Variants in FA2H observed in about 807,000 individuals in gnomAD.
The protein encoded by FA2H is fatty acid alpha-hydroxylase.
Under a neutral mutation model 44.9 loss-of-function variants are expected in FA2H, and 22 were observed. The ratio of observed to expected loss-of-function variants is 0.49; its 90% confidence interval spans 0.35 to 0.70. The LOEUF (loss-of-function observed/expected upper bound fraction) is 0.70. FA2H is among the 30% of genes least tolerant of loss of function. The probability of loss-of-function intolerance (pLI) is 0.01; values close to 1 mark genes in which losing one functional copy is unlikely to be tolerated. For missense variants in FA2H, 501 were observed against 504.9 expected, an observed-to-expected ratio of 0.99 and a Z score of 0.07; for synonymous variants, 243 against 213.2, an observed-to-expected ratio of 1.14 and a Z score of -1.22.
intron 2 of FA2H, among the ~76,000 whole-genome samples, chr16:74,729,249 T>C (rs1962027559): frequency 6.6e-6 from 1 of 152,196 alleles, no homozygotes; most frequent in African/African-American, 2.4e-5. Flanking sequence ...ATCCTCGTGA[T>C]CTGCCCGCCT....
chr16:74,769,752 A>T (rs1322368419), intron 1 of FA2H, among the ~76,000 whole-genome samples: 1 of 152,186 alleles, frequency 6.6e-6, no homozygotes, highest in Non-Finnish European at 1.5e-5. Flanking sequence ...ATACTCTGCT[A>T]ACATGTGGCT....
At chr16:74,719,978 G>A (rs1961795302) in intron 4 of FA2H, among the ~76,000 whole-genome samples, 1 of 151,922 alleles carries the variant, frequency 6.6e-6, no homozygotes, top group African/African-American at 2.4e-5. Flanking sequence ...AGGAAGATGT[G>A]AAAACACTGA....
intron 1 of FA2H, among the ~76,000 whole-genome samples, chr16:74,769,875 C>G (rs184228640): frequency 6.6e-6 from 1 of 152,244 alleles, no homozygotes; most frequent in Non-Finnish European, 1.5e-5. Context: ...AGGTGGGCAG[C>G]TTGGCTTCAC....
Position 74,716,519 on chromosome 16 carries a change from C to T in FA2H, c.867G>A (p.Gln289=). 6.2e-7 allele frequency: 1 copy of T among 1,613,136 alleles called. No homozygotes were observed. The highest frequency in any genetic ancestry group is 8.5e-7 in the Non-Finnish European group (1 of 1,179,676). The change falls in exon 6 of 7, where the codon CAG becomes CAA. Residue 289 remains glutamine (Q), a synonymous_variant. Coordinates refer to ENST00000219368, the MANE Select transcript of FA2H (RefSeq NM_024306.5). ...CCCCTACTGCCTCGGGCAGGATGAGCTGCATGCACAAGTAGAAGACGCCGA... is the reference window on the plus strand; with the variant it reads ...CCCCTACTGCCTCGGGCAGGATGAGTTGCATGCACAAGTAGAAGACGCCGA... ...LVIGVFYLCM[Q]LILPEAVGGT...
intron 1 of FA2H, among the ~76,000 whole-genome samples, chr16:74,744,557 T>C (rs1461863604): frequency 6.7e-6 from 1 of 149,016 alleles, no homozygotes; most frequent in Non-Finnish European, 1.5e-5. Flanking sequence ...GCTCAAGCAA[T>C]CCTCACACCT....
intron 1 of FA2H, among the ~76,000 whole-genome samples, chr16:74,740,673 T>TAATAATAAAAA (rs1192790446): frequency 6.4e-5 from 9 of 141,096 alleles, no homozygotes; most frequent in South Asian, 2.3e-4. Flanking sequence ...AATAATAAAA[T>TAATAATAAAAA]TTCTGCATAA....
At position 74,740,068 on chromosome 16, in the gene FA2H, T is replaced by C. The variant is rs1567642359; in HGVS notation, c.318A>G (p.Thr106=). The change falls in exon 2 of 7, where the codon ACA becomes ACG. Residue 106 remains threonine (T), a synonymous_variant. Transcript: ENST00000219368. ...TGAACCGTGGTTCCATAGCAGGATC[T>C]GTCTTCTGAGTTTCCTCAAGGGCTA... ...EPVALEETQK[T]DPAMEPRFKV... 1.9e-6 allele frequency: 3 copies of C among 1,614,150 alleles called. No homozygotes were observed. The highest frequency in any genetic ancestry group is 3.3e-4 in the Middle Eastern group (2 of 6,062).
intron 2 of FA2H, among the ~76,000 whole-genome samples, chr16:74,735,369 G>A (rs1462564492): frequency 6.6e-6 from 1 of 152,164 alleles, no homozygotes; most frequent in African/African-American, 2.4e-5. Flanking sequence ...CCACAGAGGT[G>A]GTTCCGGATC....
intron 4 of FA2H, 30 bp downstream of exon 4, chr16:74,726,195 A>C: frequency 6.7e-7 from 1 of 1,501,596 alleles, no homozygotes; most frequent in Non-Finnish European, 9.3e-7. Context: ...TAGGATCCTC[A>C]GGGCAAGTCA....
At chr16:74,765,495 T>G (rs1962792822) in intron 1 of FA2H, among the ~76,000 whole-genome samples, 1 of 152,080 alleles carries the variant, frequency 6.6e-6, no homozygotes, top group Admixed American at 6.6e-5. Context: ...TGCTAATATT[T>G]CCTTTTCAAT....
At chr16:74,766,642 AG>A (rs11300628) in intron 1 of FA2H, among the ~76,000 whole-genome samples, 20,497 of 150,830 alleles carry the variant, frequency 0.14, 2,068 homozygotes, top group African/African-American at 0.29. Context: ...AGGAAAACTA[AG>A]GGGGGGGGCT....
intron 1 of FA2H, among the ~76,000 whole-genome samples, chr16:74,741,808 A>ATATATGTGTGTGTGTGTGTGTG (rs1491185782): frequency 2.1e-5 from 1 of 48,414 alleles, no homozygotes; most frequent in African/African-American, 1.1e-4. Flanking sequence ...ATATATATAT[A>ATATATGTGTGTGTGTGTGTGTG]TGTGTGTGTG....
chr16:74,765,592 G>A (rs1031716281), intron 1 of FA2H, among the ~76,000 whole-genome samples: 7 of 151,728 alleles, frequency 4.6e-5, no homozygotes, highest in Non-Finnish European at 2.9e-5. Flanking sequence ...TTTGAGACAG[G>A]GTCTCACTCT....
chr16:74,770,673 C>CCT (rs1213976161), intron 1 of FA2H, among the ~76,000 whole-genome samples: 2 of 152,300 alleles, frequency 1.3e-5, no homozygotes, highest in East Asian at 3.9e-4. Flanking sequence ...GCCCAGCCTT[C>CCT]CTCTCTCTCA....
intron 1 of FA2H, among the ~76,000 whole-genome samples, chr16:74,747,578 C>G (rs1035034888): frequency 6.6e-6 from 1 of 152,058 alleles, no homozygotes; most frequent in African/African-American, 2.4e-5. Context: ...GAGATCATTA[C>G]GGTGGGCCTT....
At chr16:74,731,156 A>AC (rs1567639007) in intron 2 of FA2H, among the ~76,000 whole-genome samples, 2 of 136,118 alleles carry the variant, frequency 1.5e-5, no homozygotes, top group Non-Finnish European at 3.2e-5. Context: ...AATCTCTGCC[A>AC]TTTTTTTTTT....
chr16:74,714,327 G>T, intron 6 of FA2H, 58 bp from the exon 7 acceptor site: 2 of 1,117,648 alleles, frequency 1.8e-6, no homozygotes, highest in Non-Finnish European at 2.7e-6. Flanking sequence ...GCGTGCGCTG[G>T]CTTGGGAAGG....
chr16:74,767,429 A>G (rs1238249954), intron 1 of FA2H, among the ~76,000 whole-genome samples: 1 of 152,242 alleles, frequency 6.6e-6, no homozygotes, highest in African/African-American at 2.4e-5. Context: ...GTGAGCCACA[A>G]TCTGTGAATA....
At position 74,770,966 on chromosome 16, in the gene FA2H, A is replaced by G. The variant is rs558965169; in HGVS notation, c.270+3520T>C. Among the ~76,000 whole-genome samples the G allele has an allele frequency of 9.2e-5, 14 of 152,228 alleles. No homozygotes were observed. In the South Asian group the frequency reaches 1.9e-3, roughly 20 times the overall value. Reference sequence around the variant, plus strand: ...CCTCTCTAAGCATCAGACAAGGCAAACCATGGTGCTAGGTGGTTAGCAGAG... The same window carrying G: ...CCTCTCTAAGCATCAGACAAGGCAAGCCATGGTGCTAGGTGGTTAGCAGAG... On this transcript the variant is annotated intron_variant, in intron 1 of 6. Transcript: ENST00000219368.
Sources: allele counts gnomAD v4.1 joint callset (sites outside exome capture counted in the v4.1 genomes callset), GRCh38; gene constraint gnomAD v4.1.1; transcripts MANE v1.5; gene names NCBI Gene and HGNC (gene_info 2026-07-23, HGNC 2026-07-21).